Variants in C13orf42 observed in about 807,000 individuals in gnomAD.
C13orf42 encodes the protein chromosome 13 open reading frame 42.
intron 1 of C13orf42, among the ~76,000 whole-genome samples, chr13:51,156,981 T>C (rs61520022): frequency 0.049 from 7,491 of 152,322 alleles, 625 homozygotes; most frequent in African/African-American, 0.17. Flanking sequence ...GTGCTTTTTC[T>C]ATAGTTATTT....
intron 1 of C13orf42, among the ~76,000 whole-genome samples, chr13:51,162,955 C>T (rs1487746431): frequency 2.0e-5 from 3 of 152,200 alleles, no homozygotes; most frequent in African/African-American, 7.2e-5. Flanking sequence ...TGTGGCTCTC[C>T]TCACGAACAG....
At chr13:51,117,964 C>G (rs749045214) in intron 1 of C13orf42, among the ~76,000 whole-genome samples, 2 of 152,096 alleles carry the variant, frequency 1.3e-5, no homozygotes, top group African/African-American at 4.8e-5. Context: ...TTGTTTCAGC[C>G]AATAGAAAAA....
chr13:51,126,443 C>T (rs534722606), intron 1 of C13orf42, among the ~76,000 whole-genome samples: 17 of 152,206 alleles, frequency 1.1e-4, no homozygotes, highest in East Asian at 1.9e-4. Flanking sequence ...GAGACAGAGA[C>T]GCAGGAGGGC....
chr13:51,141,284 T>C (rs1593549521), intron 1 of C13orf42, among the ~76,000 whole-genome samples: 2 of 151,974 alleles, frequency 1.3e-5, no homozygotes, highest in African/African-American at 4.8e-5. Flanking sequence ...ACCTGATTTT[T>C]TGACTAAAAC....
chr13:51,090,487 A>G (rs1953170671), intron 1 of C13orf42, among the ~76,000 whole-genome samples: 1 of 152,204 alleles, frequency 6.6e-6, no homozygotes, highest in Admixed American at 6.5e-5. Context: ...TGCAAGGTCC[A>G]TGGTGGTTTT....
At chr13:51,103,472 G>T (rs1228950680) in intron 1 of C13orf42, among the ~76,000 whole-genome samples, 2 of 152,166 alleles carry the variant, frequency 1.3e-5, no homozygotes, top group Admixed American at 1.3e-4. Context: ...GGAGGCCGAG[G>T]CGGGTGGATC....
chr13:51,120,480 T>G (rs950284582), intron 1 of C13orf42, among the ~76,000 whole-genome samples: 3 of 152,178 alleles, frequency 2.0e-5, no homozygotes, highest in Non-Finnish European at 2.9e-5. Context: ...AGTGGGAGCT[T>G]TATAAATATG....
chr13:51,141,095 GGTGTGTGTGTGTGTGT>G lies in C13orf42; in HGVS notation n.137-27889_137-27874del, dbSNP rs3043870. On this transcript the variant is annotated intron_variant and non_coding_transcript_variant, in intron 1 of 4. Coordinates refer to the C13orf42 transcript ENST00000433280. The stretch of plus-strand genomic sequence containing the variant: ...AATTAAAAGGCTAACATCGAAGGGA[GGTGTGTGTGTGTGTGT>G]GTGTGTGTGTGTGTGTGTGTGTGTG... 1.8e-4 allele frequency among the ~76,000 whole-genome samples: 23 copies of G among 128,546 alleles called. No homozygotes were observed. The South Asian group carries it at 3.6e-3, about 20-fold the overall frequency. The allele number at this position is 128,546 out of a possible 152,430, so 84.3% of individuals were successfully genotyped here.
intron 1 of C13orf42, among the ~76,000 whole-genome samples, chr13:51,123,574 T>C (rs954269983): frequency 6.6e-6 from 1 of 152,220 alleles, no homozygotes; most frequent in Admixed American, 6.5e-5. Flanking sequence ...CTGTGCATCA[T>C]CACGGTTTGT....
intron 1 of C13orf42, among the ~76,000 whole-genome samples, chr13:51,170,190 G>T (rs1391197950): frequency 1.3e-5 from 2 of 151,894 alleles, no homozygotes; most frequent in Non-Finnish European, 2.9e-5. Context: ...CCTATAAAAC[G>T]GCCCCACCCT....
chr13:51,164,989 A>G (rs1404338616), intron 1 of C13orf42, among the ~76,000 whole-genome samples: 1 of 152,200 alleles, frequency 6.6e-6, no homozygotes, highest in Non-Finnish European at 1.5e-5. Context: ...AGTCTTTAGC[A>G]TATGATGGCA....
chr13:51,123,849 G>A (rs562681291), intron 1 of C13orf42, among the ~76,000 whole-genome samples: 1 of 152,264 alleles, frequency 6.6e-6, no homozygotes, highest in South Asian at 2.1e-4. Flanking sequence ...AACAGTCCTT[G>A]TTCATCCCTG....
chr13:51,154,736 G>A (rs749257252), intron 1 of C13orf42, among the ~76,000 whole-genome samples: 12 of 152,156 alleles, frequency 7.9e-5, no homozygotes, highest in Non-Finnish European at 1.5e-4. Context: ...CCTCAGCTAC[G>A]TGCCAGACCT....
intron 1 of C13orf42, among the ~76,000 whole-genome samples, chr13:51,154,039 A>G (rs1953806169): frequency 6.6e-6 from 1 of 151,762 alleles, no homozygotes; most frequent in Admixed American, 6.6e-5. Context: ...TCTACTTCCT[A>G]TCTCTATGAA....
At chr13:51,159,247 C>T (rs1953845708) in intron 1 of C13orf42, among the ~76,000 whole-genome samples, 1 of 152,186 alleles carries the variant, frequency 6.6e-6, no homozygotes. Context: ...ATTTACACAC[C>T]TATGATTTAT....
rs942286568 is a variant in C13orf42, at chr13:51,083,050, T to A, written c.*1101A>T. On this transcript the variant is annotated 3_prime_UTR_variant, in exon 4 of 4. Transcript: ENST00000563710. Reference sequence around the variant, plus strand: ...GGCTTAATTCAAATGATTGTGGTTTTCTTTGTTTTGTTTTGTTTTCTGTTT... The same window carrying A: ...GGCTTAATTCAAATGATTGTGGTTTACTTTGTTTTGTTTTGTTTTCTGTTT... The A allele has an allele frequency of 7.2e-5, 11 of 152,250 alleles. No homozygotes were observed. Among genetic ancestry groups the A allele is most frequent in the African/African-American group, 2.7e-4 (11 of 41,458 alleles). 9.4% of individuals were successfully genotyped at this position (152,250 alleles called of 1,614,324 possible). A position where few individuals can be genotyped will look rare whatever the true frequency, so the allele number is the denominator to read the frequency against.
rs562681724 is a variant in C13orf42, at chr13:51,130,331, G to A, written n.137-17109C>T. Reference sequence around the variant, plus strand: ...GCATTAGATTCTAGATAAGGCCTGGGAACATGTGAAATTAGCGTGCCCCCT... The same window carrying A: ...GCATTAGATTCTAGATAAGGCCTGGAAACATGTGAAATTAGCGTGCCCCCT... On this transcript the variant is annotated intron_variant and non_coding_transcript_variant, in intron 1 of 4. Coordinates refer to the C13orf42 transcript ENST00000433280. 2.0e-5 allele frequency among the ~76,000 whole-genome samples: 3 copies of A among 152,200 alleles called. No homozygotes were observed. In the South Asian group the frequency reaches 6.2e-4, roughly 32 times the overall value.
At chr13:51,165,081 T>C (rs546583796) in intron 1 of C13orf42, among the ~76,000 whole-genome samples, 2 of 152,294 alleles carry the variant, frequency 1.3e-5, no homozygotes, top group African/African-American at 4.8e-5. Context: ...TGTTCCATCC[T>C]CCTATCCTTC....
chr13:51,170,601 G>A (rs1178442258), intron 1 of C13orf42, among the ~76,000 whole-genome samples: 1 of 152,140 alleles, frequency 6.6e-6, no homozygotes, highest in Non-Finnish European at 1.5e-5. Flanking sequence ...AGAGACAAAA[G>A]AGACATGTTT....
Sources: allele counts gnomAD v4.1 joint callset (sites outside exome capture counted in the v4.1 genomes callset), GRCh38; gene constraint gnomAD v4.1.1; transcripts MANE v1.5; gene names NCBI Gene and HGNC (gene_info 2026-07-23, HGNC 2026-07-21).